Variants in VWF observed in about 807,000 individuals in gnomAD.
VWF encodes the protein Factor VIII related antigen.
In VWF, 176 loss-of-function variants were observed where a neutral mutation model predicts 308.6. The ratio of observed to expected loss-of-function variants is 0.57; its 90% CI spans 0.50 to 0.65. VWF has a LOEUF of 0.65. VWF is among the 30% of genes least tolerant of loss of function. The pLI is 0.00. For synonymous variants in VWF, 1,385 were observed against 1,443.4 expected, an observed-to-expected ratio of 0.96 and a Z score of 0.92; for missense variants, 3,146 against 3,648.2, an observed-to-expected ratio of 0.86 and a Z score of 3.55.
Position 6,011,664 on chromosome 12 carries a change from G to A in VWF, c.5795C>T (p.Ser1932Phe), listed in dbSNP as rs778657980. The change falls in exon 34 of 52, where the codon TCC (serine) becomes TTC (phenylalanine). Residue 1932 changes from serine (S) to phenylalanine (F), a missense_variant. Around this residue, in one of 3 missense-constraint regions of VWF, gnomAD observed 853 missense variants for 1,177.8 expected, o/e 0.72. Transcript: ENST00000261405. ...GLRPSCPNSQ[S>F]PVKVEETCGC... is the part of the protein sequence containing the mutation. ...ACAGGTCTCTTCCACTTTAACAGGG[G>A]ACTGGCTGTTAGGGCACGAAGGCCT... The A allele has an allele frequency of 3.1e-6, 5 of 1,613,542 alleles. No homozygotes were observed. The highest frequency in any genetic ancestry group is 2.2e-5 in the South Asian group (2 of 90,946).
intron 47 of VWF, among the ~76,000 whole-genome samples, chr12:5,958,974 G>A (rs1591831104): frequency 6.6e-6 from 1 of 152,116 alleles, no homozygotes. Flanking sequence ...CCAGCATTTT[G>A]GGAGGCTGAG....
intron 2 of VWF, among the ~76,000 whole-genome samples, chr12:6,122,010 AGAGTT>A (rs1945437893): frequency 6.6e-6 from 1 of 152,234 alleles, no homozygotes; most frequent in Non-Finnish European, 1.5e-5. Flanking sequence ...AGCGATGATT[AGAGTT>A]AACATTTCAA....
intron 34 of VWF, among the ~76,000 whole-genome samples, chr12:6,005,850 T>A (rs1943919743): frequency 6.6e-6 from 1 of 152,198 alleles, no homozygotes; most frequent in Admixed American, 6.5e-5. Context: ...ACCTGCCTTA[T>A]AAGAAATGCT....
At chr12:5,966,635 C>T (rs1186273204) in intron 47 of VWF, among the ~76,000 whole-genome samples, 1 of 145,540 alleles carries the variant, frequency 6.9e-6, no homozygotes, top group African/African-American at 2.6e-5. Context: ...TTATAAGAGG[C>T]TCCTCTCCAC....
intron 43 of VWF, among the ~76,000 whole-genome samples, chr12:5,975,423 T>G (rs1055719300): frequency 3.9e-5 from 6 of 152,302 alleles, no homozygotes; most frequent in Admixed American, 3.9e-4. Context: ...TGTTGCTCCC[T>G]TTTTCTCCAG....
chr12:5,966,413 T>G (rs1943404992), intron 47 of VWF, among the ~76,000 whole-genome samples: 1 of 152,210 alleles, frequency 6.6e-6, no homozygotes, highest in Non-Finnish European at 1.5e-5. Flanking sequence ...ATGCTCTCTC[T>G]GAATCATTCT....
intron 48 of VWF, 55 bp from the exon 49 acceptor site, chr12:5,952,574 A>C: frequency 6.3e-7 from 1 of 1,599,816 alleles, no homozygotes; most frequent in Non-Finnish European, 8.5e-7. Flanking sequence ...TCACAAAGCC[A>C]CTTCAAACCA....
chr12:6,011,983 G>C (rs1944001140), intron 33 of VWF, 104 bp downstream of exon 33: 1 of 1,447,300 alleles, frequency 6.9e-7, no homozygotes, highest in Admixed American at 1.7e-5. Context: ...AATAGTAAAA[G>C]GAAGCACTGG....
At chr12:5,966,850 C>T (rs182815771) in intron 47 of VWF, among the ~76,000 whole-genome samples, 111 of 152,334 alleles carry the variant, frequency 7.3e-4, no homozygotes, top group African/African-American at 2.5e-3. Context: ...CAGGCCCTGC[C>T]CTGCCGCCAT....
chr12:5,971,628 G>A lies in VWF; in HGVS notation c.7519C>T (p.Arg2507Trp), dbSNP rs368286307. ...TTCCAGGAAGACTGGGAGTCCCCCC[G>A]CGGTGAGCCAGTCACCACCTCACAG... is the stretch of plus-strand genomic sequence containing the variant. Reference protein sequence around the residue: ...SACEVVTGSPRGDSQSSWKSV... With the variant: ...SACEVVTGSPWGDSQSSWKSV... Residue 2507 changes from arginine to tryptophan, a missense_variant, in exon 44 of 52, where the codon CGG (arginine) becomes TGG (tryptophan). Arg to Trp is a moderately radical substitution (Grantham distance 101). Transcript: ENST00000261405. The A allele has an allele frequency of 1.2e-4, 198 of 1,614,162 alleles. 1 individual carries two copies. In the South Asian group the frequency reaches 1.5e-3, roughly 12 times the overall value.
chr12:5,983,063 T>A lies in VWF; in HGVS notation c.7081+87A>T, dbSNP rs527888364. On this transcript the variant is annotated intron_variant, in intron 41 of 51. Coordinates refer to ENST00000261405, the MANE Select transcript of VWF (RefSeq NM_000552.5). ...AGGTAGAAAACAGGAAATGACGTGA[T>A]CTTGGAAGAGGTCCCTGAGGAGGAT... 5 of 1,329,104 alleles carry A rather than the reference T, an allele frequency of 3.8e-6. No homozygotes were observed. In the South Asian group the frequency reaches 6.3e-5, roughly 17 times the overall value. The allele number at this position is 1,329,104 out of a possible 1,614,324, so 82.3% of individuals were successfully genotyped here.
chr12:5,985,084 G>T lies in VWF; in HGVS notation c.6937C>A (p.Arg2313Ser), dbSNP rs184921605. The T allele has an allele frequency of 6.2e-7, 1 of 1,614,060 alleles. No individual in the cohort carries two copies. The highest frequency in any genetic ancestry group is 8.5e-7 in the Non-Finnish European group (1 of 1,180,036). The stretch of plus-strand genomic sequence containing the variant: ...GGGCAGCACTGGTCTGCATTCTGGC[G>T]GAGGCGGGCTACTTCACACAGGCCA... ...TCGLCEVARL[R>S]QNADQCCPEY... is the part of the protein sequence containing the mutation. Residue 2313 changes from arginine (R) to serine (S), a missense_variant, in exon 40 of 52, where the codon CGC becomes AGC. By Grantham distance (110) the Arg-to-Ser change is moderately radical. Around this residue, in one of 3 missense-constraint regions of VWF, gnomAD observed 989 missense variants for 1,117.4 expected, o/e 0.89. Coordinates refer to ENST00000261405, the MANE Select transcript of VWF (RefSeq NM_000552.5).
chr12:6,071,395 A>G (rs745432621), intron 9 of VWF, 52 bp from the exon 10 acceptor site: 2 of 1,597,098 alleles, frequency 1.3e-6, no homozygotes, highest in African/African-American at 2.7e-5. Flanking sequence ...ACACAAGGGT[A>G]TGCAAATGGA....
Position 6,057,027 on chromosome 12 carries a change from A to G in VWF, c.1775T>C (p.Phe592Ser). 1 of 1,549,482 alleles carries G rather than the reference A, an allele frequency of 6.5e-7. No homozygotes were observed. The highest frequency in any genetic ancestry group is 8.7e-7 in the Non-Finnish European group (1 of 1,153,094). The change falls in exon 15 of 52, where the codon TTC (phenylalanine) becomes TCC (serine). Residue 592 changes from phenylalanine to serine, a missense_variant. By Grantham distance (155) the Phe-to-Ser change is radical. This residue lies in a region of VWF where 1,304 missense variants were observed against 1,353.0 expected (regional missense o/e 0.96). Transcript: ENST00000261405. The part of the protein sequence containing the change: ...EACAVLTSPT[F>S]EACHRAVSPL... ...GCTGACGGCACGATGGCAGGCCTCG[A>G]ATGTGGGGGACGTCAGGACCGCGCA...
At position 6,095,475 on chromosome 12, in the gene VWF, A is replaced by G; in HGVS notation, c.642T>C (p.Ser214=). ...SPPSSSCNIS[S]GEMQKGLWEQ... ...CCACACCCACCTTCTGCATTTCCCC[A>G]GAGGAGATGTTGCATGAGCTGCTGG... is the stretch of plus-strand genomic sequence containing the variant. Residue 214 remains serine (S), a synonymous_variant, in exon 6 of 52, where the codon TCT becomes TCC. Coordinates refer to ENST00000261405, the MANE Select transcript of VWF (RefSeq NM_000552.5). 1 of 1,614,058 alleles carries G rather than the reference A, an allele frequency of 6.2e-7. No individual in the cohort carries two copies. Among genetic ancestry groups the G allele is most frequent in the Non-Finnish European group, 8.5e-7 (1 of 1,179,976 alleles).
In VWF at chr12:6,063,047, G is replaced by A. The variant is rs761181476; in HGVS notation, c.1440C>T (p.Leu480=). ...AGGCCGTCACTGTATGCTGGATGCG[G>A]AGGTCACCTGGAACCCAGCAGGACA... ...DVQLPLLKGD[L]RIQHTVTASV... Residue 480 remains leucine, a synonymous_variant, in exon 13 of 52, where the codon CTC becomes CTT. Coordinates refer to ENST00000261405, the MANE Select transcript of VWF (RefSeq NM_000552.5). The surrounding 1 kb of genome is among the most constrained non-coding windows in gnomAD (Gnocchi z 4.9). The A allele has an allele frequency of 6.2e-7, 1 of 1,613,228 alleles. No homozygotes were observed. The highest frequency in any genetic ancestry group is 1.1e-5 in the South Asian group (1 of 91,044).
At chr12:5,976,568 A>T (rs1943535881) in intron 42 of VWF, among the ~76,000 whole-genome samples, 1 of 151,728 alleles carries the variant, frequency 6.6e-6, no homozygotes, top group Admixed American at 6.6e-5. Flanking sequence ...CCTTAACTGC[A>T]CTTCACTCCT....
chr12:5,985,607 C>T lies in VWF; in HGVS notation c.6857G>A (p.Gly2286Glu), dbSNP rs757486690. The change falls in exon 39 of 52, where the codon GGG (glycine) becomes GAG (glutamate). Residue 2286 changes from glycine (G) to glutamate (E), a missense_variant. By Grantham distance (98) the Gly-to-Glu change is moderately conservative (BLOSUM62 -2). Around this residue, in one of 3 missense-constraint regions of VWF, gnomAD observed 989 missense variants for 1,117.4 expected, o/e 0.89. Transcript: ENST00000261405. ...CTGCGTTGTGCAGTTGACCTTCCGC[C>T]CGCTGAGGCATGTGCAGATCTGACA... ...QPCQICTCLS[G>E]RKVNCTTQPC... 2 of 1,614,156 alleles carry T rather than the reference C, an allele frequency of 1.2e-6. No homozygotes were observed. The highest frequency in any genetic ancestry group is 3.3e-5 in the Admixed American group (2 of 60,022).
intron 3 of VWF, among the ~76,000 whole-genome samples, chr12:6,112,105 C>T (rs888692885): frequency 6.6e-6 from 1 of 152,146 alleles, no homozygotes; most frequent in African/African-American, 2.4e-5. Context: ...GTTTACAGAT[C>T]GTGTGGGTCA....
Sources: gnomAD v4.1 joint callset for allele counts (sites outside exome capture counted in the v4.1 genomes callset) on GRCh38, gnomAD v4.1.1 for gene constraint, gnomAD v4.1.1 regional missense constraint, Gnocchi (gnomAD v3.1) non-coding constraint, MANE v1.5 for transcripts, NCBI Gene and HGNC (gene_info 2026-07-23, HGNC 2026-07-21) for gene names.